GRXCR1: variants seen among roughly 807,000 people sequenced by gnomAD.
GRXCR1 encodes the protein glutaredoxin domain-containing cysteine-rich protein 1.
GRXCR1 carries 27 observed loss-of-function variants against 27.3 expected under a neutral mutation model. That is an observed-to-expected ratio of 0.99 (90% CI 0.73 to 1.37). The LOEUF is 1.37. Among genes scored for constraint, GRXCR1 ranks in the 40% most tolerant of loss-of-function variants. The probability of loss-of-function intolerance (pLI) is 0.00; values close to 1 mark genes in which losing one functional copy is unlikely to be tolerated. For missense variants in GRXCR1, 379 were observed against 354.4 expected (o/e 1.07, Z -0.56); for synonymous variants, 122 against 131.1 (o/e 0.93, Z 0.47).
At chr4:42,900,334 A>C (rs980966791) in intron 1 of GRXCR1, among the ~76,000 whole-genome samples, 4 of 152,248 alleles carry the variant, frequency 2.6e-5, no homozygotes, top group African/African-American at 9.6e-5. Flanking sequence ...GCTCAATTTT[A>C]TTTTTCTAAT....
chr4:42,904,385 C>T (rs565597884), intron 1 of GRXCR1, among the ~76,000 whole-genome samples: 2 of 152,076 alleles, frequency 1.3e-5, no homozygotes, highest in African/African-American at 4.8e-5. Context: ...AAATCAAAGC[C>T]CCCCTTTTCT....
rs575349503 is a variant in GRXCR1 at position 43,022,081 on chromosome 4, A to G, written c.693+1662A>G. Among the ~76,000 whole-genome samples, 91 of 152,286 alleles carry G rather than the reference A, an allele frequency of 6.0e-4. No homozygotes were observed. In the South Asian group the frequency reaches 9.5e-3, roughly 16 times the overall value. On this transcript the variant is annotated intron_variant, in intron 3 of 3. Transcript: ENST00000399770. ...TCTTTCTGTTCTCATATACTACCCC[A>G]ATCCTGTGAAGTCATTCACTTACAT... is the stretch of plus-strand genomic sequence containing the variant.
rs999603805 is a variant in GRXCR1 at position 42,957,479 on chromosome 4, G to A, written c.385-5413G>A. ...TGCTATCTTTCTTTAGGTTTGGAAAGTTCTCTGTCTTTATGTCTTTGAGTG... is the reference window on the plus strand; with the variant it reads ...TGCTATCTTTCTTTAGGTTTGGAAAATTCTCTGTCTTTATGTCTTTGAGTG... On this transcript the variant is annotated intron_variant, in intron 1 of 3. Coordinates refer to ENST00000399770, the MANE Select transcript of GRXCR1 (RefSeq NM_001080476.3). 6.6e-5 allele frequency among the ~76,000 whole-genome samples: 10 copies of A among 152,034 alleles called. No homozygotes were observed. In the East Asian group the frequency reaches 1.4e-3, roughly 21 times the overall value.
intron 2 of GRXCR1, among the ~76,000 whole-genome samples, chr4:42,995,644 C>T (rs557843183): frequency 1.3e-5 from 2 of 152,244 alleles, no homozygotes; most frequent in East Asian, 1.9e-4. Flanking sequence ...TATTAAAATG[C>T]CAACACATTT....
chr4:42,893,528 A>G lies in GRXCR1; in HGVS notation c.262A>G (p.Ser88Gly), dbSNP rs1296574814. The change falls in exon 1 of 4, where the codon AGT becomes GGT. Residue 88 changes from serine (S) to glycine (G), a missense_variant. By Grantham distance (56) the Ser-to-Gly change is moderately conservative (BLOSUM62 0). Coordinates refer to ENST00000399770, the MANE Select transcript of GRXCR1 (RefSeq NM_001080476.3). ...CTTGCTGGTGTTAGCAAGGGCTGCCAGTGAGAAGGGTTTTGGTACAAGAAG... is the reference window on the plus strand; with the variant it reads ...CTTGCTGGTGTTAGCAAGGGCTGCCGGTGAGAAGGGTTTTGGTACAAGAAG... ...DSLLVLARAASEKGFGTRRVN... is the reference protein window; with the variant it reads ...DSLLVLARAAGEKGFGTRRVN... 1 of 1,613,804 alleles carries G rather than the reference A, an allele frequency of 6.2e-7. No homozygotes were observed. Among genetic ancestry groups the G allele is most frequent in the African/African-American group, 1.3e-5 (1 of 74,906 alleles).
At chr4:43,030,267 G>C (rs1713379751) in intron 3 of GRXCR1, 94 bp from the exon 4 acceptor site, 2 of 1,098,434 alleles carry the variant, frequency 1.8e-6, no homozygotes, top group Non-Finnish European at 2.8e-6. Flanking sequence ...ATTGCTTTAT[G>C]ACCACTCACA....
intron 1 of GRXCR1, among the ~76,000 whole-genome samples, chr4:42,960,736 G>T (rs947782034): frequency 6.6e-6 from 1 of 151,614 alleles, no homozygotes; most frequent in Non-Finnish European, 1.5e-5. Flanking sequence ...CATCACAGAT[G>T]AGAACACTGA....
rs569846620 is a variant in GRXCR1, at chr4:43,009,096, G to A, written c.628-11258G>A. 2.0e-5 allele frequency among the ~76,000 whole-genome samples: 3 copies of A among 152,290 alleles called. No homozygotes were observed. The East Asian group carries it at 5.8e-4, about 29-fold the overall frequency. The stretch of plus-strand genomic sequence containing the variant: ...AATCTCAAGCTTGCCTTCTTTGGAG[G>A]CCACAGAGGCCAAGGCAAAGATTAT... On this transcript the variant is annotated intron_variant, in intron 2 of 3. Coordinates refer to ENST00000399770, the MANE Select transcript of GRXCR1 (RefSeq NM_001080476.3).
intron 3 of GRXCR1, among the ~76,000 whole-genome samples, chr4:43,028,502 C>A (rs375939457): frequency 6.6e-6 from 1 of 152,064 alleles, no homozygotes; most frequent in African/African-American, 2.4e-5. Flanking sequence ...CCTTGGCCAG[C>A]CCAGCATTTA....
intron 2 of GRXCR1, among the ~76,000 whole-genome samples, chr4:43,000,129 A>G (rs542488984): frequency 6.6e-6 from 1 of 152,180 alleles, no homozygotes; most frequent in South Asian, 2.1e-4. Flanking sequence ...CATGTGAATC[A>G]TCTCTTTGTC....
rs192145583 is a variant in GRXCR1 at position 43,007,062 on chromosome 4, A to G, written c.628-13292A>G. Among the ~76,000 whole-genome samples the G allele has an allele frequency of 5.1e-4, 78 of 152,346 alleles. No homozygotes were observed. In the South Asian group the frequency reaches 0.011, roughly 21 times the overall value. ...GAGCAGGTAAATAAATATGCACTCC[A>G]TTACAGATTGAAAACTGAAATAGGG... is the stretch of plus-strand genomic sequence containing the variant. On this transcript the variant is annotated intron_variant, in intron 2 of 3. Coordinates refer to ENST00000399770, the MANE Select transcript of GRXCR1 (RefSeq NM_001080476.3).
rs770677946 is a variant in GRXCR1, at chr4:42,962,902, C to A, written c.395C>A (p.Thr132Asn). The change falls in exon 2 of 4, where the codon ACT (threonine) becomes AAT (asparagine). Residue 132 changes from threonine to asparagine, a missense_variant. Thr to Asn is a moderately conservative substitution (Grantham distance 65). Coordinates refer to ENST00000399770, the MANE Select transcript of GRXCR1 (RefSeq NM_001080476.3). ...ATGTTTTCCCTTCAGCAACCATCAACTGATCTAGAATTTGACCGTGTAGTG... is the reference window on the plus strand; with the variant it reads ...ATGTTTTCCCTTCAGCAACCATCAAATGATCTAGAATTTGACCGTGTAGTG... ...NLTKVLQQPSTDLEFDRVVIY... is the reference protein window; with the variant it reads ...NLTKVLQQPSNDLEFDRVVIY... 1 of 1,612,612 alleles carries A rather than the reference C, an allele frequency of 6.2e-7. No homozygotes were observed. Among genetic ancestry groups the A allele is most frequent in the South Asian group, 1.1e-5 (1 of 91,062 alleles).
chr4:42,982,195 T>C (rs1347709154), intron 2 of GRXCR1, among the ~76,000 whole-genome samples: 1 of 147,342 alleles, frequency 6.8e-6, no homozygotes, highest in Admixed American at 6.8e-5. Context: ...CCTGATGCTA[T>C]CCCTCCCCCC....
chr4:42,981,427 T>C (rs1748665700), intron 2 of GRXCR1, among the ~76,000 whole-genome samples: 1 of 152,178 alleles, frequency 6.6e-6, no homozygotes, highest in African/African-American at 2.4e-5. Context: ...TTTATGAATT[T>C]CAATAGCTTT....
chr4:42,905,497 T>G (rs1361478701), intron 1 of GRXCR1, among the ~76,000 whole-genome samples: 1 of 152,232 alleles, frequency 6.6e-6, no homozygotes, highest in Non-Finnish European at 1.5e-5. Context: ...AGACATTTAT[T>G]ACATCATTTA....
chr4:42,933,958 C>T (rs1274935043), intron 1 of GRXCR1, among the ~76,000 whole-genome samples: 2 of 151,740 alleles, frequency 1.3e-5, no homozygotes, highest in African/African-American at 4.8e-5. Context: ...CCTCCTTCCC[C>T]CAAGTGAGAT....
intron 2 of GRXCR1, among the ~76,000 whole-genome samples, chr4:43,016,581 G>A (rs886599169): frequency 6.6e-6 from 1 of 151,978 alleles, no homozygotes; most frequent in Non-Finnish European, 1.5e-5. Flanking sequence ...TTTGTGTAAA[G>A]TCTGTCTCCC....
intron 1 of GRXCR1, among the ~76,000 whole-genome samples, chr4:42,944,318 T>C (rs1275168004): frequency 2.6e-5 from 4 of 152,026 alleles, no homozygotes; most frequent in Admixed American, 6.6e-5. Context: ...TGTTAGACTA[T>C]AGCACAAGCG....
intron 1 of GRXCR1, among the ~76,000 whole-genome samples, chr4:42,913,425 C>T (rs1015322392): frequency 8.5e-5 from 13 of 152,112 alleles, no homozygotes; most frequent in Admixed American, 2.0e-4. Context: ...GACCTCGCTA[C>T]GCTTAACAAC....
Sources: allele counts gnomAD v4.1 joint callset (sites outside exome capture counted in the v4.1 genomes callset), GRCh38; gene constraint gnomAD v4.1.1; transcripts MANE v1.5; gene names NCBI Gene and HGNC (gene_info 2026-07-23, HGNC 2026-07-21).